Variants in ROR2 observed in about 807,000 individuals in gnomAD.
ROR2 encodes the protein ROR family WNT receptor 2, also known as tyrosine-protein kinase transmembrane receptor ROR2.
Under a neutral mutation model 74.9 loss-of-function variants are expected in ROR2, and 33 were observed. The observed-to-expected ratio is 0.44, with a 90% CI of 0.33 to 0.59. The LOEUF (loss-of-function observed/expected upper bound fraction) is 0.59. ROR2 is among the 20% of genes least tolerant of loss of function. The pLI, the probability that ROR2 is intolerant of heterozygous loss-of-function variation, is 0.02. For synonymous variants in ROR2, 586 were observed against 558.7 expected (o/e 1.05, Z -0.69); for missense variants, 1,216 against 1,313.8 (o/e 0.93, Z 1.15).
chr9:91,881,560 C>T (rs1830112311), intron 1 of ROR2, among the ~76,000 whole-genome samples: 3 of 152,172 alleles, frequency 2.0e-5, no homozygotes, highest in East Asian at 1.9e-4. Flanking sequence ...ACTGTTAGTA[C>T]TCCTTTTTTG....
intron 1 of ROR2, among the ~76,000 whole-genome samples, chr9:91,835,858 C>T (rs959873297): frequency 3.3e-5 from 5 of 152,190 alleles, no homozygotes; most frequent in African/African-American, 1.2e-4. Flanking sequence ...AACACTCTCA[C>T]GAGATGTCTC....
intron 1 of ROR2, among the ~76,000 whole-genome samples, chr9:91,843,674 A>ATGTC (rs1387429990): frequency 1.3e-5 from 2 of 152,200 alleles, no homozygotes; most frequent in Non-Finnish European, 2.9e-5. Context: ...ATGCATGTCG[A>ATGTC]TGTCTGCAGG....
chr9:91,758,897 A>C (rs1825835196), intron 2 of ROR2, among the ~76,000 whole-genome samples: 1 of 152,260 alleles, frequency 6.6e-6, no homozygotes, highest in Admixed American at 6.5e-5. Context: ...GAACATGCAA[A>C]TACAATTCTG....
intron 1 of ROR2, among the ~76,000 whole-genome samples, chr9:91,806,386 C>G (rs928362167): frequency 6.6e-6 from 1 of 152,088 alleles, no homozygotes; most frequent in African/African-American, 2.4e-5. Flanking sequence ...GCTAATCTCA[C>G]GTATGAGGGT....
chr9:91,884,475 T>TAA (rs34401137), intron 1 of ROR2, among the ~76,000 whole-genome samples: 1,552 of 137,844 alleles, frequency 0.011, 27 homozygotes, highest in African/African-American at 0.038. Context: ...TGATTACCTT[T>TAA]AAAAAAAAAA....
At chr9:91,758,708 G>A (rs1252832764) in intron 2 of ROR2, among the ~76,000 whole-genome samples, 1 of 152,204 alleles carries the variant, frequency 6.6e-6, no homozygotes, top group Non-Finnish European at 1.5e-5. Context: ...CCACAGGCAG[G>A]AGCTCTAGGG....
intron 1 of ROR2, among the ~76,000 whole-genome samples, chr9:91,840,672 A>G (rs992527100): frequency 6.6e-6 from 1 of 152,194 alleles, no homozygotes; most frequent in African/African-American, 2.4e-5. Context: ...ATGAGGAGAG[A>G]CAAACACACC....
chr9:91,923,972 C>T (rs1489515033), intron 1 of ROR2: 2 of 152,278 alleles, frequency 1.3e-5, no homozygotes, highest in Non-Finnish European at 1.5e-5. Context: ...TGGGTGCCTT[C>T]CTATTCCAGG....
intron 1 of ROR2, among the ~76,000 whole-genome samples, chr9:91,919,275 G>A (rs1831210835): frequency 1.3e-5 from 2 of 152,202 alleles, no homozygotes; most frequent in African/African-American, 2.4e-5. Context: ...TTGATGCTCA[G>A]GCAACCAGAA....
At chr9:91,750,184 G>A (rs928551123) in intron 4 of ROR2, among the ~76,000 whole-genome samples, 1 of 152,230 alleles carries the variant, frequency 6.6e-6, no homozygotes, top group Non-Finnish European at 1.5e-5. Context: ...TTACAGGCAT[G>A]AGCCGCTGCA....
At chr9:91,877,547 T>C (rs1528364) in intron 1 of ROR2, among the ~76,000 whole-genome samples, 65,995 of 152,096 alleles carry the variant, frequency 0.43, 15,998 homozygotes, top group African/African-American at 0.64. Flanking sequence ...GTGATCTAAA[T>C]GTACCCAAAA....
At chr9:91,726,314 C>G (rs1837030657) in intron 8 of ROR2, among the ~76,000 whole-genome samples, 1 of 152,082 alleles carries the variant, frequency 6.6e-6, no homozygotes, top group Non-Finnish European at 1.5e-5. Flanking sequence ...CAGAAGGAGG[C>G]CCATGGACTC....
intron 1 of ROR2, among the ~76,000 whole-genome samples, chr9:91,831,244 A>G (rs945152720): frequency 1.3e-5 from 2 of 151,440 alleles, no homozygotes; most frequent in Non-Finnish European, 2.9e-5. Context: ...CCTAGGCAAC[A>G]AGAGCGAAAC....
chr9:91,775,471 C>T (rs966789013), intron 2 of ROR2, among the ~76,000 whole-genome samples: 10 of 152,104 alleles, frequency 6.6e-5, no homozygotes, highest in Non-Finnish European at 1.0e-4. Flanking sequence ...CCTAAGGCTC[C>T]GCTCAGGCCC....
At chr9:91,904,651 G>A (rs538015390) in intron 1 of ROR2, among the ~76,000 whole-genome samples, 1 of 152,246 alleles carries the variant, frequency 6.6e-6, no homozygotes, top group African/African-American at 2.4e-5. Flanking sequence ...CCCAGTGGCA[G>A]GCAGCAAGAC....
intron 1 of ROR2, among the ~76,000 whole-genome samples, chr9:91,828,353 T>C (rs192277180): frequency 1.3e-5 from 2 of 152,360 alleles, no homozygotes; most frequent in East Asian, 3.9e-4. Flanking sequence ...ATATATTGTA[T>C]GTAAATTCAT....
At chr9:91,912,093 A>G (rs980832854) in intron 1 of ROR2, among the ~76,000 whole-genome samples, 3 of 152,224 alleles carry the variant, frequency 2.0e-5, no homozygotes, top group Non-Finnish European at 4.4e-5. Context: ...AACTAAATGC[A>G]ATGTGGGATC....
chr9:91,891,565 G>A (rs1000943590), intron 1 of ROR2, among the ~76,000 whole-genome samples: 2 of 149,962 alleles, frequency 1.3e-5, no homozygotes, highest in African/African-American at 2.4e-5. Context: ...TACCGCACCC[G>A]GCCCTAGCTG....
At chr9:91,820,314 T>C (rs1340678213) in intron 1 of ROR2, among the ~76,000 whole-genome samples, 1 of 152,118 alleles carries the variant, frequency 6.6e-6, no homozygotes, top group African/African-American at 2.4e-5. Context: ...CACGGCAGGA[T>C]GCCCTCTACA....
Sources: allele counts gnomAD v4.1 joint callset (sites outside exome capture counted in the v4.1 genomes callset), GRCh38; gene constraint gnomAD v4.1.1; transcripts MANE v1.5; gene names NCBI Gene and HGNC (gene_info 2026-07-23, HGNC 2026-07-21).